Variants in SH3PXD2B observed in about 807,000 individuals in gnomAD.
SH3PXD2B encodes the protein SH3 and PX domain-containing protein 2B.
A neutral mutation model predicts 73.1 loss-of-function variants in SH3PXD2B; 37 were observed. That is an observed-to-expected ratio of 0.51 (90% confidence interval 0.39 to 0.67). The LOEUF is 0.67. Among genes scored for constraint, SH3PXD2B ranks in the 30% least tolerant of loss-of-function variants. SH3PXD2B has a pLI of 0.00. For missense variants in SH3PXD2B, 1,053 were observed against 1,197.8 expected, an observed-to-expected ratio of 0.88 and a Z score of 1.78; for synonymous variants, 457 against 480.5, an observed-to-expected ratio of 0.95 and a Z score of 0.64.
rs1756750435 is a variant in SH3PXD2B at position 172,338,258 on chromosome 5, G to A, written c.*111C>T. On this transcript the variant is annotated 3_prime_UTR_variant, in exon 13 of 13. Transcript: ENST00000311601. This position sits in a 1 kb window ranked among gnomAD's most constrained non-coding sequence, Gnocchi z 5.1. ...GGAGGCAAGAAGTCACAGTACCCCA[G>A]AGTCTGTCTGCCTTGGAAGCTGCGT... The A allele has an allele frequency of 1.3e-6, 2 of 1,593,650 alleles. No individual in the cohort carries two copies. Among genetic ancestry groups the A allele is most frequent in the Admixed American group, 1.8e-5 (1 of 56,872 alleles).
intron 5 of SH3PXD2B, 99 bp from the exon 6 acceptor site, chr5:172,373,914 C>A (rs138055692): frequency 2.2e-5 from 29 of 1,308,922 alleles, no homozygotes; most frequent in Middle Eastern, 2.0e-4. Flanking sequence ...CTCCACCCCC[C>A]ACAACATCAT....
At chr5:172,439,076 TA>T (rs1263459657) in intron 1 of SH3PXD2B, among the ~76,000 whole-genome samples, 1 of 147,542 alleles carries the variant, frequency 6.8e-6, no homozygotes, top group African/African-American at 2.4e-5. Flanking sequence ...CCGTCTCTAC[TA>T]AAAATACAAA....
At chr5:172,346,036 T>A in intron 12 of SH3PXD2B, 100 bp downstream of exon 12, 1 of 1,571,344 alleles carries the variant, frequency 6.4e-7, no homozygotes, top group Non-Finnish European at 8.7e-7. Context: ...CCGCCCCACC[T>A]CCACCCACCC....
intron 6 of SH3PXD2B, among the ~76,000 whole-genome samples, chr5:172,368,568 AATATGTT>A (rs1349547999): frequency 5.2e-5 from 1 of 19,156 alleles, no homozygotes; most frequent in Non-Finnish European, 7.0e-5. Flanking sequence ...ATATATATAA[AATATGTT>A]ATATATATAT....
At position 172,335,521 on chromosome 5, in the gene SH3PXD2B, A is replaced by G. The variant is rs1412951541; in HGVS notation, c.*2848T>C. 8.1e-7 allele frequency: 1 copy of G among 1,231,668 alleles called. No individual in the cohort carries two copies. Among genetic ancestry groups the G allele is most frequent in the Middle Eastern group, 3.1e-4 (1 of 3,208 alleles). The allele number at this position is 1,231,668 out of a possible 1,614,324, so 76.3% of individuals were successfully genotyped here. ...CCCTCTGAACCTTAATTTTCTCACT[A>G]TAGATCAGGGCTGGTCCTATCCGCC... On this transcript the variant is annotated 3_prime_UTR_variant, in exon 13 of 13. Coordinates refer to ENST00000311601, the MANE Select transcript of SH3PXD2B (RefSeq NM_001017995.3).
downstream of SH3PXD2B, among the ~76,000 whole-genome samples, chr5:172,331,565 T>C (rs1756557032): frequency 6.6e-6 from 1 of 152,188 alleles, no homozygotes; most frequent in African/African-American, 2.4e-5. Flanking sequence ...GCCCCCGTGA[T>C]GGTAATCTTG....
At chr5:172,394,699 C>G (rs1758257666) in intron 3 of SH3PXD2B, 60 bp from the exon 4 acceptor site, 5 of 1,580,094 alleles carry the variant, frequency 3.2e-6, no homozygotes, top group African/African-American at 1.3e-5. Flanking sequence ...TCTCAGCAAC[C>G]TGAGAGGGTG....
intron 4 of SH3PXD2B, among the ~76,000 whole-genome samples, chr5:172,384,168 C>T (rs1320799036): frequency 6.6e-6 from 1 of 151,994 alleles, no homozygotes; most frequent in Admixed American, 6.6e-5. Flanking sequence ...TCTATATAAC[C>T]AGCCCTTAAT....
rs529265131 is a variant in SH3PXD2B at position 172,406,724 on chromosome 5, C to A, written c.157-372G>T. Among the ~76,000 whole-genome samples the A allele has an allele frequency of 2.0e-5, 3 of 152,306 alleles. No homozygotes were observed. The South Asian group carries it at 6.2e-4, about 32-fold the overall frequency. On this transcript the variant is annotated intron_variant, in intron 2 of 12. Coordinates refer to ENST00000311601, the MANE Select transcript of SH3PXD2B (RefSeq NM_001017995.3). The stretch of plus-strand genomic sequence containing the variant: ...TTCTGGGTTGAGGTAAGGAATAAAT[C>A]ATTAGCATCCAATCAATGTGGTTCG...
chr5:172,386,398 G>A (rs1358007045), intron 4 of SH3PXD2B, among the ~76,000 whole-genome samples: 1 of 152,150 alleles, frequency 6.6e-6, no homozygotes, highest in Non-Finnish European at 1.5e-5. Context: ...ATCTTGGCTA[G>A]GGAGAAGGTT....
At chr5:172,446,197 A>G (rs1259229736) in intron 1 of SH3PXD2B, among the ~76,000 whole-genome samples, 1 of 152,172 alleles carries the variant, frequency 6.6e-6, no homozygotes, top group African/African-American at 2.4e-5. Flanking sequence ...ATAAAAGCTC[A>G]TTGGATCTCC....
At position 172,338,983 on chromosome 5, in the gene SH3PXD2B, G is replaced by A. The variant is rs545491323; in HGVS notation, c.2122C>T (p.Arg708Cys). The A allele has an allele frequency of 1.4e-5, 22 of 1,614,058 alleles. No individual in the cohort carries two copies. The highest frequency in any genetic ancestry group is 8.0e-5 in the African/African-American group (6 of 75,036). ...TGTTTGCCCGTCCTGTCCTGGGCGC[G>A]GCCAGGCCCCTCTCCTGGGAGGAAG... ...RSFLPGEGPGRAQDRTGKQDG... is the reference protein window; with the variant it reads ...RSFLPGEGPGCAQDRTGKQDG... The change falls in exon 13 of 13, where the codon CGC becomes TGC. Residue 708 changes from arginine to cysteine, a missense_variant. Arg to Cys is a radical substitution (Grantham distance 180). Transcript: ENST00000311601. This position sits in a 1 kb window ranked among gnomAD's most constrained non-coding sequence, Gnocchi z 5.1.
At chr5:172,452,577 T>A (rs1271361290) in intron 1 of SH3PXD2B, among the ~76,000 whole-genome samples, 1 of 152,146 alleles carries the variant, frequency 6.6e-6, no homozygotes, top group Non-Finnish European at 1.5e-5. Context: ...ATCTGTCAAA[T>A]GGGCTTAAGG....
At position 172,395,283 on chromosome 5, in the gene SH3PXD2B, G is replaced by A. The variant is rs528071429; in HGVS notation, c.233-644C>T. 7.9e-5 allele frequency among the ~76,000 whole-genome samples: 12 copies of A among 152,310 alleles called. No homozygotes were observed. The South Asian group carries it at 2.5e-3, about 32-fold the overall frequency. The stretch of plus-strand genomic sequence containing the variant: ...ACCAATAGGAACTGACTGCGTCTCA[G>A]TCCATTTTGTGACAATAATGTTTGA... On this transcript the variant is annotated intron_variant, in intron 3 of 12. Coordinates refer to ENST00000311601, the MANE Select transcript of SH3PXD2B (RefSeq NM_001017995.3).
intron 1 of SH3PXD2B, among the ~76,000 whole-genome samples, chr5:172,431,308 AGAGCTGCAACCCG>A (rs1759234193): frequency 6.6e-6 from 1 of 152,380 alleles, no homozygotes; most frequent in South Asian, 2.1e-4. Context: ...TCCATCCAGA[AGAGCTGCAACCCG>A]GAGCCGTGCT....
intron 2 of SH3PXD2B, among the ~76,000 whole-genome samples, chr5:172,411,854 A>C (rs901474222): frequency 5.9e-5 from 9 of 151,922 alleles, no homozygotes; most frequent in African/African-American, 1.9e-4. Context: ...CATTTCAACC[A>C]CACTTGGGTG....
intron 4 of SH3PXD2B, among the ~76,000 whole-genome samples, chr5:172,386,013 C>A (rs147130050): frequency 6.6e-6 from 1 of 152,182 alleles, no homozygotes; most frequent in African/African-American, 2.4e-5. Flanking sequence ...CGGATCCTGG[C>A]GCTTTGGACA....
intron 2 of SH3PXD2B, among the ~76,000 whole-genome samples, chr5:172,414,858 C>T (rs1274729203): frequency 1.3e-5 from 2 of 152,202 alleles, no homozygotes; most frequent in Non-Finnish European, 2.9e-5. Context: ...AGCTAAGACT[C>T]CTGCTCCATT....
chr5:172,437,004 G>A (rs1390255095), intron 1 of SH3PXD2B, among the ~76,000 whole-genome samples: 2 of 152,154 alleles, frequency 1.3e-5, no homozygotes, highest in Non-Finnish European at 2.9e-5. Context: ...TCCCACACTG[G>A]CTGGGTTCCC....
Sources: allele counts gnomAD v4.1 joint callset (sites outside exome capture counted in the v4.1 genomes callset), GRCh38; gene constraint gnomAD v4.1.1; non-coding constraint Gnocchi (gnomAD v3.1); transcripts MANE v1.5; gene names NCBI Gene and HGNC (gene_info 2026-07-23, HGNC 2026-07-21).